Variants in RXRB observed in about 807,000 individuals in gnomAD.
RXRB encodes retinoic acid receptor RXR-beta.
Under a neutral mutation model 52.5 loss-of-function variants are expected in RXRB, and 18 were observed. The observed-to-expected ratio is 0.34, with a 90% CI of 0.24 to 0.51. The LOEUF (loss-of-function observed/expected upper bound fraction) is 0.51. Among genes scored for constraint, RXRB ranks in the 20% least tolerant of loss-of-function variants. The probability of loss-of-function intolerance (pLI) is 0.97; values close to 1 mark genes in which losing one functional copy is unlikely to be tolerated. For synonymous variants in RXRB, 233 were observed against 267.1 expected, an observed-to-expected ratio of 0.87 and a Z score of 1.25; for missense variants, 455 against 698.2, an observed-to-expected ratio of 0.65 and a Z score of 3.92.
chr6:33,194,890 C>T lies in RXRB; in HGVS notation c.1454+55G>A. On this transcript the variant is annotated intron_variant, in intron 9 of 9. Coordinates refer to ENST00000374680, the MANE Select transcript of RXRB (RefSeq NM_021976.5). This position sits in a 1 kb window ranked among gnomAD's most constrained non-coding sequence, Gnocchi z 4.1. ...GAAGCACACGGGCCCTGAACACATC[C>T]TCATAGCACTCCCCACCCCCAAGGG... The T allele has an allele frequency of 6.2e-7, 1 of 1,611,164 alleles. No individual in the cohort carries two copies. Among genetic ancestry groups the T allele is most frequent in the Admixed American group, 1.7e-5 (1 of 59,964 alleles).
chr6:33,195,715 G>A lies in RXRB; in HGVS notation c.1124-13C>T. ...AGTTCATTCCAGCCTGGGTGGGGCA[G>A]CAAGGGTCAGGAGCCAGAAATCAGG... On this transcript the variant is annotated splice_polypyrimidine_tract_variant and intron_variant, in intron 6 of 9. Transcript: ENST00000374680. This position sits in a 1 kb window ranked among gnomAD's most constrained non-coding sequence, Gnocchi z 8.6. 1 of 1,610,486 alleles carries A rather than the reference G, an allele frequency of 6.2e-7. No homozygotes were observed.
chr6:33,200,075 C>T lies in RXRB; in HGVS notation c.235+167G>A. ...TAGGAGGGCGGAAGCTCCCCTTCCCCGCCCCGCCCCGGGGGGGAGGGTGCT... is the reference window on the plus strand; with the variant it reads ...TAGGAGGGCGGAAGCTCCCCTTCCCTGCCCCGCCCCGGGGGGGAGGGTGCT... On this transcript the variant is annotated intron_variant, in intron 1 of 9. Coordinates refer to ENST00000374680, the MANE Select transcript of RXRB (RefSeq NM_021976.5). This position sits in a 1 kb window ranked among gnomAD's most constrained non-coding sequence, Gnocchi z 6.3. 4 of 1,047,980 alleles carry T rather than the reference C, an allele frequency of 3.8e-6. No individual in the cohort carries two copies. Among genetic ancestry groups the T allele is most frequent in the South Asian group, 1.3e-5 (1 of 79,376 alleles). 64.9% of individuals were successfully genotyped at this position (1,047,980 alleles called of 1,614,324 possible).
At chr6:33,198,259 G>A (rs1436383306) in intron 3 of RXRB, 49 bp downstream of exon 3, 3 of 1,611,876 alleles carry the variant, frequency 1.9e-6, no homozygotes, top group Admixed American at 1.7e-5. Context: ...CACAGGTGAT[G>A]ATACATGGCC....
In RXRB at chr6:33,193,660, A is replaced by G. The variant is rs919331175; in HGVS notation, c.*1022T>C. ...GGGAAAGGAGCCCCAAAGAGAAGGG[A>G]CGCAGGGCAAAAATCATGCAGCCCC... On this transcript the variant is annotated 3_prime_UTR_variant, in exon 10 of 10. Coordinates refer to ENST00000374680, the MANE Select transcript of RXRB (RefSeq NM_021976.5). The G allele has an allele frequency of 6.6e-6, 1 of 152,168 alleles. No individual in the cohort carries two copies. The highest frequency in any genetic ancestry group is 2.1e-4 in the South Asian group (1 of 4,834). 9.4% of individuals were successfully genotyped at this position (152,168 alleles called of 1,614,324 possible).
At position 33,199,150 on chromosome 6, in the gene RXRB, G is replaced by A. The variant is rs1346616649; in HGVS notation, c.483+19C>T. On this transcript the variant is annotated intron_variant, in intron 2 of 9. Transcript: ENST00000374680. Reference sequence around the variant, plus strand: ...GAAAATGAAAGTGGCCAGGCAGTAAGTTGGTCACAACCTCTCACCTGGGGG... The same window carrying A: ...GAAAATGAAAGTGGCCAGGCAGTAAATTGGTCACAACCTCTCACCTGGGGG... The A allele has an allele frequency of 1.5e-6, 2 of 1,295,430 alleles. No homozygotes were observed. The highest frequency in any genetic ancestry group is 2.0e-6 in the Non-Finnish European group (2 of 1,015,904). 80.2% of individuals were successfully genotyped at this position (1,295,430 alleles called of 1,614,324 possible).
Position 33,195,207 on chromosome 6 carries a change from A to T in RXRB, c.1348+156T>A. 1 of 764,524 alleles carries T rather than the reference A, an allele frequency of 1.3e-6. No individual in the cohort carries two copies. Among genetic ancestry groups the T allele is most frequent in the South Asian group, 1.6e-5 (1 of 62,984 alleles). The allele number at this position is 764,524 out of a possible 1,614,324, so 47.4% of individuals were successfully genotyped here. On this transcript the variant is annotated intron_variant, in intron 8 of 9. Coordinates refer to ENST00000374680, the MANE Select transcript of RXRB (RefSeq NM_021976.5). The surrounding 1 kb of genome is among the most constrained non-coding windows in gnomAD (Gnocchi z 8.6). ...AAGCAGGGCCCACTGGGTTTGTGGG[A>T]TGGATCCGTGGATGTGGGTTTTTCC...
In RXRB at chr6:33,197,959, G is replaced by C; in HGVS notation, c.641-18C>G. On this transcript the variant is annotated intron_variant, in intron 3 of 9. Transcript: ENST00000374680. The surrounding 1 kb of genome is among the most constrained non-coding windows in gnomAD (Gnocchi z 4.4). Reference sequence around the variant, plus strand: ...GTGTTTGCCTACAGGGAAAGGGGAGGAGCAATAAGAAGGTTGCATGGAGAC... The same window carrying C: ...GTGTTTGCCTACAGGGAAAGGGGAGCAGCAATAAGAAGGTTGCATGGAGAC... 6.2e-7 allele frequency: 1 copy of C among 1,610,102 alleles called. No individual in the cohort carries two copies. Among genetic ancestry groups the C allele is most frequent in the Non-Finnish European group, 8.5e-7 (1 of 1,178,236 alleles).
chr6:33,199,285 G>T lies in RXRB; in HGVS notation c.367C>A (p.Pro123Thr). ...LGGSGAPPPP[P>T]MPPPPLGSPF... ...GAGCCCAGTGGGGGTGGTGGCATCG[G>T]GGGTGGGGGTGGGGCCCCAGAGCCT... The change falls in exon 2 of 10, where the codon CCG becomes ACG. Residue 123 changes from proline (P) to threonine (T), a missense_variant. Pro to Thr is a conservative substitution (Grantham distance 38). This residue lies in a region of RXRB where 225 missense variants were observed against 258.6 expected (regional missense o/e 0.87). Coordinates refer to ENST00000374680, the MANE Select transcript of RXRB (RefSeq NM_021976.5). 2.8e-6 allele frequency: 3 copies of T among 1,056,620 alleles called. No individual in the cohort carries two copies. The African/African-American group carries it at 4.9e-5, about 17-fold the overall frequency. The allele number at this position is 1,056,620 out of a possible 1,614,324, so 65.5% of individuals were successfully genotyped here. A position where few individuals can be genotyped will look rare whatever the true frequency, so the allele number is the denominator to read the frequency against.
At position 33,195,846 on chromosome 6, in the gene RXRB, A is replaced by G. The variant is rs1047525418; in HGVS notation, c.1123+61T>C. On this transcript the variant is annotated intron_variant, in intron 6 of 9. Coordinates refer to ENST00000374680, the MANE Select transcript of RXRB (RefSeq NM_021976.5). This position sits in a 1 kb window ranked among gnomAD's most constrained non-coding sequence, Gnocchi z 8.6. Reference sequence around the variant, plus strand: ...AAGGTAAGGCCACTGGGGTCACTAAAGATCGGGAAGTCAAAGAGGGGTCAA... The same window carrying G: ...AAGGTAAGGCCACTGGGGTCACTAAGGATCGGGAAGTCAAAGAGGGGTCAA... The G allele has an allele frequency of 6.2e-7, 1 of 1,606,004 alleles. No homozygotes were observed.
intron 1 of RXRB, 196 bp from the exon 2 acceptor site, chr6:33,199,612 T>C: frequency 2.1e-6 from 1 of 483,890 alleles, no homozygotes; most frequent in Non-Finnish European, 3.7e-6. Context: ...GCTGGTCCGA[T>C]GGTAGTGGGT....
chr6:33,194,692 T>G lies in RXRB; in HGVS notation c.1592A>C (p.Gln531Pro). 1 of 1,612,972 alleles carries G rather than the reference T, an allele frequency of 6.2e-7. No individual in the cohort carries two copies. Among genetic ancestry groups the G allele is most frequent in the Non-Finnish European group, 8.5e-7 (1 of 1,179,952 alleles). The change falls in exon 10 of 10, where the codon CAA becomes CCA. Residue 531 changes from glutamine (Q) to proline (P), a missense_variant. Coordinates refer to ENST00000374680, the MANE Select transcript of RXRB (RefSeq NM_021976.5). This position sits in a 1 kb window ranked among gnomAD's most constrained non-coding sequence, Gnocchi z 4.1. ...FLMEMLEAPH[Q>P]LA ...CGTCTGGGTCTGAGCTCAGGCCAGTTGATGGGGAGCCTCAAGCATCTCCAT... is the reference window on the plus strand; with the variant it reads ...CGTCTGGGTCTGAGCTCAGGCCAGTGGATGGGGAGCCTCAAGCATCTCCAT...
chr6:33,196,452 G>A lies in RXRB; in HGVS notation c.975C>T (p.Thr325=), dbSNP rs747037964. ...SDQGVEGPGG[T]GGSGSSPNDP... is the part of the protein sequence containing the mutation. Reference sequence around the variant, plus strand: ...CACTCACGCTGCTGCCGCTACCCCCGGTTCCCCCAGGACCCTCAACGCCCT... The same window carrying A: ...CACTCACGCTGCTGCCGCTACCCCCAGTTCCCCCAGGACCCTCAACGCCCT... Residue 325 remains threonine (T), a synonymous_variant, in exon 5 of 10, where the codon ACC becomes ACT. Transcript: ENST00000374680. This position sits in a 1 kb window ranked among gnomAD's most constrained non-coding sequence, Gnocchi z 4.0. 36 of 1,612,786 alleles carry A rather than the reference G, an allele frequency of 2.2e-5. No homozygotes were observed. The highest frequency in any genetic ancestry group is 4.5e-5 in the East Asian group (2 of 44,890).
intron 2 of RXRB, among the ~76,000 whole-genome samples, 179 bp downstream of exon 2, chr6:33,198,990 T>C (rs1049671264): frequency 6.7e-6 from 1 of 150,124 alleles, no homozygotes; most frequent in African/African-American, 2.5e-5. Flanking sequence ...GGAGGAAGCA[T>C]GCACTGAAAG....
Position 33,200,374 on chromosome 6 carries a change from G to T in RXRB, c.103C>A (p.Arg35=). Residue 35 remains arginine, a synonymous_variant, in exon 1 of 10, where the codon CGG becomes AGG. Coordinates refer to ENST00000374680, the MANE Select transcript of RXRB (RefSeq NM_021976.5). This position sits in a 1 kb window ranked among gnomAD's most constrained non-coding sequence, Gnocchi z 6.3. ...AGCCAGGGCCGTCGCCGCCGCCACC[G>T]GGACGCGACCCCACAATGCATTTCT... The part of the protein sequence containing the change: ...RKEMHCGVAS[R]WRRRRPWLDP... 1 of 1,563,402 alleles carries T rather than the reference G, an allele frequency of 6.4e-7. No individual in the cohort carries two copies.
chr6:33,195,803 T>C lies in RXRB; in HGVS notation c.1124-101A>G, dbSNP rs1158137108. 3.1e-6 allele frequency: 5 copies of C among 1,599,040 alleles called. No individual in the cohort carries two copies. The highest frequency in any genetic ancestry group is 4.3e-6 in the Non-Finnish European group (5 of 1,172,396). ...AAAAGAGGTGGCGAGGTCAGCAAGT[T>C]TGGCTCCCTGGGTACGCAAGGTAAG... On this transcript the variant is annotated intron_variant, in intron 6 of 9. Transcript: ENST00000374680. The surrounding 1 kb of genome is among the most constrained non-coding windows in gnomAD (Gnocchi z 8.6).
Position 33,194,463 on chromosome 6 carries a change from C to A in RXRB, c.*219G>T, listed in dbSNP as rs2982281. 1 of 524,120 alleles carries A rather than the reference C, an allele frequency of 1.9e-6. No individual in the cohort carries two copies. Among genetic ancestry groups the A allele is most frequent in the Non-Finnish European group, 3.3e-6 (1 of 299,212 alleles). 32.5% of individuals were successfully genotyped at this position (524,120 alleles called of 1,614,324 possible). A position where few individuals can be genotyped will look rare whatever the true frequency, so the allele number is the denominator to read the frequency against. On this transcript the variant is annotated 3_prime_UTR_variant, in exon 10 of 10. Coordinates refer to ENST00000374680, the MANE Select transcript of RXRB (RefSeq NM_021976.5). This position sits in a 1 kb window ranked among gnomAD's most constrained non-coding sequence, Gnocchi z 4.1. The stretch of plus-strand genomic sequence containing the variant: ...ACCCGACAAATTCAGAGACTCAAGG[C>A]CACCGAAGAGAGACAACCAGTCCTC...
At chr6:33,198,158 G>T in intron 3 of RXRB, 150 bp downstream of exon 3, 1 of 1,209,048 alleles carries the variant, frequency 8.3e-7, no homozygotes, top group Non-Finnish European at 1.2e-6. Flanking sequence ...CCCCCCAATC[G>T]CGTCCTACAT....
chr6:33,194,836 T>A lies in RXRB; in HGVS notation c.1455-7A>T. The A allele has an allele frequency of 6.2e-7, 1 of 1,612,578 alleles. No homozygotes were observed. Among genetic ancestry groups the A allele is most frequent in the Non-Finnish European group, 8.5e-7 (1 of 1,179,862 alleles). ...TAGCAGCAGCTTGGCAAACCTGGGG[T>A]GGAGGTGGGAGAAGGGGATTGAGAG... On this transcript the variant is annotated splice_region_variant and splice_polypyrimidine_tract_variant and intron_variant, in intron 9 of 9. Transcript: ENST00000374680. The surrounding 1 kb of genome is among the most constrained non-coding windows in gnomAD (Gnocchi z 4.1).
rs1356841387 is a variant in RXRB at position 33,193,622 on chromosome 6, T to G, written c.*1060A>C. 6.6e-6 allele frequency: 1 copy of G among 151,912 alleles called. No homozygotes were observed. The highest frequency in any genetic ancestry group is 1.5e-5 in the Non-Finnish European group (1 of 67,974). The allele number at this position is 151,912 out of a possible 1,614,324, so 9.4% of individuals were successfully genotyped here. On this transcript the variant is annotated 3_prime_UTR_variant, in exon 10 of 10. Coordinates refer to ENST00000374680, the MANE Select transcript of RXRB (RefSeq NM_021976.5). ...CAGCGATTTTAATTTGAAAGCGATT[T>G]TATGTATGAGAGGGGAAAGGAGCCC...
Sources: gnomAD v4.1 joint callset for allele counts (sites outside exome capture counted in the v4.1 genomes callset) on GRCh38, gnomAD v4.1.1 for gene constraint, gnomAD v4.1.1 regional missense constraint, Gnocchi (gnomAD v3.1) non-coding constraint, MANE v1.5 for transcripts, NCBI Gene and HGNC (gene_info 2026-07-23, HGNC 2026-07-21) for gene names.